GRM7: variants seen among roughly 807,000 people sequenced by gnomAD.
GRM7 encodes the protein metabotropic glutamate receptor 7.
GRM7 carries 35 observed loss-of-function variants against 84.5 expected under a neutral mutation model. The ratio of observed to expected loss-of-function variants is 0.41; its 90% confidence interval spans 0.32 to 0.55. The LOEUF (loss-of-function observed/expected upper bound fraction) is 0.55, where lower values mean the gene tolerates loss of function less well. Among genes scored for constraint, GRM7 ranks in the 20% least tolerant of loss-of-function variants. GRM7 has a pLI of 0.19. For missense variants in GRM7, 1,003 were observed against 1,194.6 expected (o/e 0.84, Z 2.36); for synonymous variants, 487 against 455.1 (o/e 1.07, Z -0.89).
At chr3:7,682,851 C>G (rs1330954149) in intron 9 of GRM7, among the ~76,000 whole-genome samples, 1 of 152,100 alleles carries the variant, frequency 6.6e-6, no homozygotes, top group Non-Finnish European at 1.5e-5. Flanking sequence ...AGGCATTATG[C>G]GGAATGCTTT....
At chr3:7,700,103 A>G (rs756847609) in intron 9 of GRM7, among the ~76,000 whole-genome samples, 2 of 152,210 alleles carry the variant, frequency 1.3e-5, no homozygotes, top group Non-Finnish European at 2.9e-5. Flanking sequence ...AGAATCATCT[A>G]GGACTTTTGG....
At chr3:7,609,406 C>T (rs1366053892) in intron 8 of GRM7, among the ~76,000 whole-genome samples, 1 of 151,666 alleles carries the variant, frequency 6.6e-6, no homozygotes, top group East Asian at 1.9e-4. Flanking sequence ...TAGAGAGGGA[C>T]AAATGTTGCT....
intron 4 of GRM7, among the ~76,000 whole-genome samples, chr3:7,393,372 A>C (rs1490245541): frequency 6.6e-6 from 1 of 152,128 alleles, no homozygotes; most frequent in East Asian, 1.9e-4. Context: ...ATGAGGCCCT[A>C]GTGAGTCGAG....
intron 1 of GRM7, among the ~76,000 whole-genome samples, chr3:7,119,655 C>A (rs1310058433): frequency 1.3e-5 from 2 of 152,100 alleles, no homozygotes; most frequent in African/African-American, 4.8e-5. Context: ...TGTAGTAACT[C>A]ACGTTAGGCC....
At chr3:7,029,965 T>G (rs1335576414) in intron 1 of GRM7, among the ~76,000 whole-genome samples, 1 of 152,168 alleles carries the variant, frequency 6.6e-6, no homozygotes, top group African/African-American at 2.4e-5. Context: ...AAAGAAAGTA[T>G]ACATCTAAAC....
intron 9 of GRM7, among the ~76,000 whole-genome samples, chr3:7,712,433 T>C (rs2125166437): frequency 6.6e-6 from 1 of 151,954 alleles, no homozygotes. Context: ...CTCCTCCCTC[T>C]CCTTCTCTCT....
intron 1 of GRM7, among the ~76,000 whole-genome samples, chr3:6,962,885 T>C (rs1693355881): frequency 6.6e-6 from 1 of 152,204 alleles, no homozygotes; most frequent in African/African-American, 2.4e-5. Context: ...AATGCTGTAA[T>C]CATGTTACAT....
At chr3:7,001,406 C>G (rs935368024) in intron 1 of GRM7, among the ~76,000 whole-genome samples, 13 of 152,074 alleles carry the variant, frequency 8.5e-5, no homozygotes, top group African/African-American at 2.9e-4. Context: ...TGAATATGCT[C>G]TAGTTGGTGG....
At chr3:6,889,771 CTT>C (rs1490308753) in intron 1 of GRM7, among the ~76,000 whole-genome samples, 1 of 152,016 alleles carries the variant, frequency 6.6e-6, no homozygotes, top group East Asian at 1.9e-4. Flanking sequence ...AGGATTCCCT[CTT>C]TTTCTATTGA....
chr3:7,436,102 C>G (rs927551083), intron 5 of GRM7, among the ~76,000 whole-genome samples: 1 of 151,630 alleles, frequency 6.6e-6, no homozygotes, highest in Non-Finnish European at 1.5e-5. Context: ...CTGCCTTGGC[C>G]TCCCAAAGTG....
chr3:6,899,090 G>A (rs1181465340), intron 1 of GRM7, among the ~76,000 whole-genome samples: 1 of 152,120 alleles, frequency 6.6e-6, no homozygotes, highest in Non-Finnish European at 1.5e-5. Context: ...GGTAAGAGTT[G>A]AGTCCAGTAA....
At chr3:6,995,200 A>G (rs144659023) in intron 1 of GRM7, among the ~76,000 whole-genome samples, 78 of 152,326 alleles carry the variant, frequency 5.1e-4, no homozygotes, top group Non-Finnish European at 9.0e-4. Context: ...TTATTTGGAT[A>G]AGTAATAGTC....
At chr3:7,728,778 G>A (rs1471992965) in intron 9 of GRM7, among the ~76,000 whole-genome samples, 1 of 152,206 alleles carries the variant, frequency 6.6e-6, no homozygotes, top group Non-Finnish European at 1.5e-5. Context: ...GTGCTATGGA[G>A]GCCTGTCTGT....
At chr3:7,434,848 A>G (rs1408651431) in intron 5 of GRM7, among the ~76,000 whole-genome samples, 2 of 152,172 alleles carry the variant, frequency 1.3e-5, no homozygotes, top group Non-Finnish European at 2.9e-5. Flanking sequence ...ACTCTCTGAA[A>G]GAGTTCATGC....
chr3:7,401,227 C>T (rs28592095), intron 4 of GRM7, among the ~76,000 whole-genome samples: 84,265 of 151,880 alleles, frequency 0.55, 23,632 homozygotes, highest in Middle Eastern at 0.64. Context: ...CATTTTCTTT[C>T]GATACTGTCG....
chr3:7,291,254 C>T (rs1036829685), intron 2 of GRM7, among the ~76,000 whole-genome samples: 5 of 151,986 alleles, frequency 3.3e-5, no homozygotes, highest in African/African-American at 7.3e-5. Flanking sequence ...AACTGACTGC[C>T]GCGAGCTGAC....
intron 8 of GRM7, among the ~76,000 whole-genome samples, chr3:7,594,948 G>A (rs1695968274): frequency 6.6e-6 from 1 of 152,114 alleles, no homozygotes. Flanking sequence ...CTGTGTGTGT[G>A]TGTGTGTGTG....
intron 5 of GRM7, among the ~76,000 whole-genome samples, chr3:7,421,759 T>C (rs1028132520): frequency 6.6e-6 from 1 of 152,082 alleles, no homozygotes; most frequent in African/African-American, 2.4e-5. Flanking sequence ...AGGTCCTTCC[T>C]GTGACCATGG....
chr3:7,704,115 C>T (rs1701312841), intron 9 of GRM7, among the ~76,000 whole-genome samples: 1 of 152,118 alleles, frequency 6.6e-6, no homozygotes, highest in Non-Finnish European at 1.5e-5. Context: ...GTAAAGCACA[C>T]TGGGTAAACT....
Sources: gnomAD v4.1 joint callset for allele counts (sites outside exome capture counted in the v4.1 genomes callset) on GRCh38, gnomAD v4.1.1 for gene constraint, MANE v1.5 for transcripts, NCBI Gene and HGNC (gene_info 2026-07-23, HGNC 2026-07-21) for gene names.